Variants in CABP4 observed in about 807,000 individuals in gnomAD.
CABP4 encodes the protein calcium-binding protein 4.
Under a neutral mutation model 30.7 loss-of-function variants are expected in CABP4, and 30 were observed. The ratio of observed to expected loss-of-function variants is 0.98; its 90% CI spans 0.73 to 1.33. CABP4 has a LOEUF of 1.33. Ranked by LOEUF, CABP4 falls within the 40% of genes most tolerant of loss-of-function variation. The probability of loss-of-function intolerance (pLI) is 0.00; values close to 1 mark genes in which losing one functional copy is unlikely to be tolerated. For missense variants in CABP4, 424 were observed against 395.5 expected (o/e 1.07, Z -0.61); for synonymous variants, 161 against 159.2 (o/e 1.01, Z -0.08).
Position 67,455,626 on chromosome 11 carries a change from G to A in CABP4, c.203G>A (p.Gly68Glu). The change falls in exon 1 of 6, where the codon GGG becomes GAG. Residue 68 changes from glycine (G) to glutamate (E), a missense_variant. Transcript: ENST00000325656. ...GAGCAGACAGGCCCCGAGGCCCCGG[G>A]GAGCAGCAATAACCCTCCCAGCACT... ...SGEQTGPEAP[G>E]SSNNPPSTGE... is the part of the protein sequence containing the mutation. 6.2e-7 allele frequency: 1 copy of A among 1,609,126 alleles called. No individual in the cohort carries two copies. Among genetic ancestry groups the A allele is most frequent in the Non-Finnish European group, 8.5e-7 (1 of 1,178,858 alleles).
At chr11:67,456,088 G>A in intron 1 of CABP4, 100 bp from the exon 2 acceptor site, 1 of 1,608,902 alleles carries the variant, frequency 6.2e-7, no homozygotes, top group Non-Finnish European at 8.5e-7. Context: ...TACTCTGATG[G>A]GGCTGGGCCC....
Position 67,460,516 on chromosome 11 carries a change from T to TATACACAC in CABP4, c.*1858_*1859insTACACACA, listed in dbSNP as rs1554998700. On this transcript the variant is annotated 3_prime_UTR_variant, in exon 6 of 6. Coordinates refer to ENST00000325656, the MANE Select transcript of CABP4 (RefSeq NM_145200.5). ...AAAAAAATAAAGTATATTTTATATA[T>TATACACAC]ACACACACACACACACACACACACA... Among the ~76,000 whole-genome samples the TATACACAC allele has an allele frequency of 3.9e-4, 58 of 149,488 alleles. No homozygotes were observed. Among genetic ancestry groups the TATACACAC allele is most frequent in the African/African-American group, 1.3e-3 (52 of 41,028 alleles).
Position 67,455,694 on chromosome 11 carries a change from G to T in CABP4, c.271G>T (p.Ala91Ser). The T allele has an allele frequency of 6.2e-7, 1 of 1,607,706 alleles. No homozygotes were observed. The highest frequency in any genetic ancestry group is 1.1e-5 in the South Asian group (1 of 90,298). The change falls in exon 1 of 6, where the codon GCC (alanine) becomes TCC (serine). Residue 91 changes from alanine (A) to serine (S), a missense_variant. Physicochemically the swap from Ala to Ser is moderately conservative, Grantham distance 99. Transcript: ENST00000325656. Reference sequence around the variant, plus strand: ...CGCACCCCCTGCATCCCCTGGGCCGGCCTCTTCTCGCCAGTCCCACCGACA... The same window carrying T: ...CGCACCCCCTGCATCCCCTGGGCCGTCCTCTTCTCGCCAGTCCCACCGACA... Reference protein sequence around the residue: ...AGAPPASPGPASSRQSHRHRP... With the variant: ...AGAPPASPGPSSSRQSHRHRP...
rs770959322 is a variant in CABP4 at position 67,455,711 on chromosome 11, C to T, written c.288C>T (p.Ser96=). The change falls in exon 1 of 6, where the codon TCC becomes TCT. Residue 96 remains serine, a synonymous_variant. Transcript: ENST00000325656. The stretch of plus-strand genomic sequence containing the variant: ...CTGGGCCGGCCTCTTCTCGCCAGTC[C>T]CACCGACATCGTCCTGACTCCCTGC... ...ASPGPASSRQ[S]HRHRPDSLHD... is the part of the protein sequence containing the mutation. 4.4e-6 allele frequency: 7 copies of T among 1,608,536 alleles called. No individual in the cohort carries two copies. The highest frequency in any genetic ancestry group is 2.7e-5 in the African/African-American group (2 of 74,898).
At chr11:67,458,215 C>T (rs371440030) in intron 4 of CABP4, among the ~76,000 whole-genome samples, 156 bp from the exon 5 acceptor site, 21 of 152,110 alleles carry the variant, frequency 1.4e-4, no homozygotes, top group African/African-American at 3.6e-4. Context: ...GCCGAAATTG[C>T]GTCACTGCAC....
intron 3 of CABP4, 118 bp from the exon 4 acceptor site, chr11:67,457,455 C>A: frequency 1.2e-6 from 1 of 833,588 alleles, no homozygotes; most frequent in Non-Finnish European, 2.0e-6. Context: ...GGCGTGGACA[C>A]GGGTGTTTCT....
Position 67,457,598 on chromosome 11 carries a change from G to T in CABP4, c.567G>T (p.Glu189Asp), listed in dbSNP as rs1250416101. 6.2e-7 allele frequency: 1 copy of T among 1,601,508 alleles called. No individual in the cohort carries two copies. The highest frequency in any genetic ancestry group is 8.5e-7 in the Non-Finnish European group (1 of 1,174,136). ...MRMGGRVDFE[E>D]FVELIGPKLR... Reference sequence around the variant, plus strand: ...TGGGCGGCCGTGTGGACTTTGAGGAGTTTGTAGAACTGATAGGCCCAAAGC... The same window carrying T: ...TGGGCGGCCGTGTGGACTTTGAGGATTTTGTAGAACTGATAGGCCCAAAGC... Residue 189 changes from glutamate (E) to aspartate (D), a missense_variant, in exon 4 of 6, where the codon GAG becomes GAT. Transcript: ENST00000325656.
At chr11:67,452,675 C>T (rs774874245), upstream of CABP4, 57 of 1,601,416 alleles carry the variant, frequency 3.6e-5, 1 homozygote, top group Admixed American at 5.2e-4. Context: ...AAGCTCTGTG[C>T]GGGGCCTGTG....
upstream of CABP4, chr11:67,455,245 C>A: frequency 1.2e-6 from 1 of 820,438 alleles, no homozygotes; most frequent in Non-Finnish European, 1.8e-6. Context: ...CCTGGCCAGC[C>A]CTGGGGCAGA....
At position 67,460,532 on chromosome 11, in the gene CABP4, C is replaced by T. The variant is rs867214951; in HGVS notation, c.*1873C>T. 0.12 allele frequency among the ~76,000 whole-genome samples: 17,657 copies of T among 151,720 alleles called. 3,387 individuals carry two copies. The highest frequency in any genetic ancestry group is 0.4 in the African/African-American group (16,516 of 41,296). ...TTTTATATATACACACACACACACACACACACACACAGCCATTGGAATGAA... is the reference window on the plus strand; with the variant it reads ...TTTTATATATACACACACACACACATACACACACACAGCCATTGGAATGAA... On this transcript the variant is annotated 3_prime_UTR_variant, in exon 6 of 6. Coordinates refer to ENST00000325656, the MANE Select transcript of CABP4 (RefSeq NM_145200.5).
Position 67,457,653 on chromosome 11 carries a change from G to C in CABP4, c.622G>C (p.Val208Leu). The change falls in exon 4 of 6, where the codon GTG becomes CTG. Residue 208 changes from valine (V) to leucine (L), a missense_variant. Coordinates refer to ENST00000325656, the MANE Select transcript of CABP4 (RefSeq NM_145200.5). ...GGAGGAGACGGCGCACATGCTGGGG[G>C]TGCGAGAGCTGCGCATCGCCTTCCG... ...LREETAHMLG[V>L]RELRIAFREF... The C allele has an allele frequency of 6.2e-7, 1 of 1,601,802 alleles. No homozygotes were observed.
rs1864934829 is a variant in CABP4 at position 67,459,117 on chromosome 11, G to A, written c.*458G>A. Reference sequence around the variant, plus strand: ...GCCCAGCTGTCAGGGGGCAGAAGCGGGAGGATAGCTTGAGCCCAGGAGTGC... The same window carrying A: ...GCCCAGCTGTCAGGGGGCAGAAGCGAGAGGATAGCTTGAGCCCAGGAGTGC... On this transcript the variant is annotated 3_prime_UTR_variant, in exon 6 of 6. Transcript: ENST00000325656. 5.1e-6 allele frequency: 1 copy of A among 194,176 alleles called. No individual in the cohort carries two copies. Among genetic ancestry groups the A allele is most frequent in the African/African-American group, 2.3e-5 (1 of 42,652 alleles). 12.0% of individuals were successfully genotyped at this position (194,176 alleles called of 1,614,324 possible).
At chr11:67,454,642 T>C (rs1028955308), upstream of CABP4, among the ~76,000 whole-genome samples, 13 of 152,086 alleles carry the variant, frequency 8.5e-5, no homozygotes, top group African/African-American at 3.1e-4. Flanking sequence ...TGAGAGGACA[T>C]CAATTATTTA....
intron 5 of CABP4, 52 bp from the exon 6 acceptor site, chr11:67,458,579 T>C: frequency 3.1e-6 from 5 of 1,614,076 alleles, no homozygotes; most frequent in Non-Finnish European, 4.2e-6. Flanking sequence ...GCCCAGCACC[T>C]CCTGGGATCC....
rs1224015264 is a variant in CABP4, at chr11:67,457,646, G to A, written c.615G>A (p.Met205Ile). The A allele has an allele frequency of 1.2e-6, 2 of 1,603,696 alleles. No individual in the cohort carries two copies. Among genetic ancestry groups the A allele is most frequent in the Admixed American group, 1.7e-5 (1 of 58,366 alleles). The change falls in exon 4 of 6, where the codon ATG (methionine) becomes ATA (isoleucine). Residue 205 changes from methionine (M) to isoleucine (I), a missense_variant. Coordinates refer to ENST00000325656, the MANE Select transcript of CABP4 (RefSeq NM_145200.5). The part of the protein sequence containing the change: ...GPKLREETAH[M>I]LGVRELRIAF... ...AGCTGAGGGAGGAGACGGCGCACAT[G>A]CTGGGGGTGCGAGAGCTGCGCATCG...
At chr11:67,453,177 T>G, upstream of CABP4, 1 of 155,646 alleles carries the variant, frequency 6.4e-6, no homozygotes, top group African/African-American at 2.4e-5. Context: ...TTTAAATTTT[T>G]AGTAGAAACA....
Position 67,458,362 on chromosome 11 carries a change from G to A in CABP4, c.652-9G>A. 3 of 1,601,636 alleles carry A rather than the reference G, an allele frequency of 1.9e-6. No homozygotes were observed. Among genetic ancestry groups the A allele is most frequent in the Non-Finnish European group, 2.6e-6 (3 of 1,171,072 alleles). On this transcript the variant is annotated splice_polypyrimidine_tract_variant and intron_variant, in intron 4 of 5. Coordinates refer to ENST00000325656, the MANE Select transcript of CABP4 (RefSeq NM_145200.5). ...GGGTGGGAGGGGCTGAGCTTTGCGG[G>A]GACCTTAGTTTGACAGGGACAGGGA... is the stretch of plus-strand genomic sequence containing the variant.
At position 67,458,940 on chromosome 11, in the gene CABP4, G is replaced by A. The variant is rs772851120; in HGVS notation, c.*281G>A. ...TTGGGTCTCTCCAGACCTCTGGGAG[G>A]TAGGGAGTTCCCTGGCACTGGCAGC... On this transcript the variant is annotated 3_prime_UTR_variant, in exon 6 of 6. Coordinates refer to ENST00000325656, the MANE Select transcript of CABP4 (RefSeq NM_145200.5). 2 of 538,110 alleles carry A rather than the reference G, an allele frequency of 3.7e-6. No individual in the cohort carries two copies. The highest frequency in any genetic ancestry group is 3.1e-5 in the Admixed American group (1 of 32,200). The allele number at this position is 538,110 out of a possible 1,614,324, so 33.3% of individuals were successfully genotyped here.
Position 67,455,634 on chromosome 11 carries a change from A to T in CABP4, c.211A>T (p.Asn71Tyr). 2 of 1,609,952 alleles carry T rather than the reference A, an allele frequency of 1.2e-6. No homozygotes were observed. Among genetic ancestry groups the T allele is most frequent in the Non-Finnish European group, 1.7e-6 (2 of 1,179,160 alleles). Residue 71 changes from asparagine (N) to tyrosine (Y), a missense_variant, in exon 1 of 6, where the codon AAT becomes TAT. By Grantham distance (143) the Asn-to-Tyr change is moderately radical. Coordinates refer to ENST00000325656, the MANE Select transcript of CABP4 (RefSeq NM_145200.5). ...AGGCCCCGAGGCCCCGGGGAGCAGC[A>T]ATAACCCTCCCAGCACTGGAGAGGG... is the stretch of plus-strand genomic sequence containing the variant. ...QTGPEAPGSS[N>Y]NPPSTGEGPA... is the part of the protein sequence containing the mutation.
Sources: allele counts gnomAD v4.1 joint callset (sites outside exome capture counted in the v4.1 genomes callset), GRCh38; gene constraint gnomAD v4.1.1; transcripts MANE v1.5; gene names NCBI Gene and HGNC (gene_info 2026-07-23, HGNC 2026-07-21).